ASAP1: variants seen among roughly 807,000 people sequenced by gnomAD.
ASAP1 encodes the protein arf-GAP with SH3 domain, ANK repeat and PH domain-containing protein 1.
A neutral mutation model predicts 145.2 loss-of-function variants in ASAP1; 43 were observed. That is an observed-to-expected ratio of 0.30 (90% CI 0.23 to 0.38). The LOEUF (loss-of-function observed/expected upper bound fraction) is 0.38. ASAP1 is among the 10% of genes least tolerant of loss of function. The pLI, the probability that ASAP1 is intolerant of heterozygous loss-of-function variation, is 1.00. For missense variants in ASAP1, 1,018 were observed against 1,355.3 expected, an observed-to-expected ratio of 0.75 and a Z score of 3.91; for synonymous variants, 546 against 515.5, an observed-to-expected ratio of 1.06 and a Z score of -0.80.
intron 3 of ASAP1, among the ~76,000 whole-genome samples, chr8:130,277,328 G>A (rs10112253): frequency 0.029 from 4,345 of 152,226 alleles, 191 homozygotes; most frequent in African/African-American, 0.098. Context: ...ATAGGCAACA[G>A]GAGAAAAACA....
chr8:130,099,711 C>A (rs893570310), intron 24 of ASAP1, among the ~76,000 whole-genome samples: 23 of 121,414 alleles, frequency 1.9e-4, no homozygotes, highest in African/African-American at 7.1e-4. Context: ...GAGACAGAGT[C>A]TTGCTGTGTC....
intron 2 of ASAP1, among the ~76,000 whole-genome samples, chr8:130,364,131 A>G (rs1826842938): frequency 6.6e-6 from 1 of 152,216 alleles, no homozygotes; most frequent in Non-Finnish European, 1.5e-5. Context: ...CAAAACCACT[A>G]GAGTTTTCTC....
At chr8:130,186,655 G>C (rs1814751257) in intron 7 of ASAP1, among the ~76,000 whole-genome samples, 1 of 152,162 alleles carries the variant, frequency 6.6e-6, no homozygotes, top group Non-Finnish European at 1.5e-5. Flanking sequence ...CTGAGGCTCT[G>C]TGGTCAAGAC....
intron 3 of ASAP1, among the ~76,000 whole-genome samples, chr8:130,348,332 T>A (rs1376188330): frequency 6.6e-6 from 1 of 152,250 alleles, no homozygotes; most frequent in Non-Finnish European, 1.5e-5. Flanking sequence ...AGTCGTCTTT[T>A]GGGCTTTACC....
intron 25 of ASAP1, among the ~76,000 whole-genome samples, chr8:130,091,630 A>G (rs895177256): frequency 3.3e-5 from 5 of 152,240 alleles, no homozygotes; most frequent in Admixed American, 1.3e-4. Flanking sequence ...TAAGAAAACC[A>G]TTCTGGCTGT....
chr8:130,113,912 G>A (rs1388413631), intron 23 of ASAP1, among the ~76,000 whole-genome samples: 1 of 152,010 alleles, frequency 6.6e-6, no homozygotes, highest in Non-Finnish European at 1.5e-5. Context: ...CTCCCGGGCA[G>A]CTGGGACCAC....
chr8:130,093,230 T>C, intron 24 of ASAP1, among the ~76,000 whole-genome samples: 1 of 152,130 alleles, frequency 6.6e-6, no homozygotes, highest in African/African-American at 2.4e-5. Flanking sequence ...GTGTATTTGA[T>C]CTTAGTTTTG....
At chr8:130,074,570 G>C (rs938885092) in intron 27 of ASAP1, among the ~76,000 whole-genome samples, 1 of 152,076 alleles carries the variant, frequency 6.6e-6, no homozygotes, top group Admixed American at 6.5e-5. Flanking sequence ...TGCCCTGATA[G>C]GGCAAGTCAG....
intron 3 of ASAP1, among the ~76,000 whole-genome samples, chr8:130,309,086 C>T (rs1212932922): frequency 6.6e-6 from 1 of 152,118 alleles, no homozygotes; most frequent in East Asian, 1.9e-4. Flanking sequence ...CAGTACTTCA[C>T]CAAACATGTC....
intron 3 of ASAP1, among the ~76,000 whole-genome samples, chr8:130,274,258 G>A (rs1471835603): frequency 6.6e-6 from 1 of 152,204 alleles, no homozygotes; most frequent in Non-Finnish European, 1.5e-5. Flanking sequence ...TATGAAGATG[G>A]AAGAAGTGGC....
At chr8:130,440,094 T>G (rs1443629947) in intron 1 of ASAP1, among the ~76,000 whole-genome samples, 2 of 152,166 alleles carry the variant, frequency 1.3e-5, no homozygotes, top group African/African-American at 4.8e-5. Flanking sequence ...TCATCAATGC[T>G]ATCTCCAAGA....
At chr8:130,077,944 G>A (rs1408354930) in intron 26 of ASAP1, among the ~76,000 whole-genome samples, 1 of 151,812 alleles carries the variant, frequency 6.6e-6, no homozygotes, top group Non-Finnish European at 1.5e-5. Flanking sequence ...CAAACTTAAC[G>A]AGTTGCCAAA....
intron 4 of ASAP1, among the ~76,000 whole-genome samples, chr8:130,226,159 T>A (rs1817575634): frequency 6.6e-6 from 1 of 152,002 alleles, no homozygotes; most frequent in Non-Finnish European, 1.5e-5. Flanking sequence ...ATTAACGTTT[T>A]AAAAGCACTG....
chr8:130,348,138 A>G (rs1459704465), intron 3 of ASAP1, among the ~76,000 whole-genome samples: 1 of 152,222 alleles, frequency 6.6e-6, no homozygotes, highest in Non-Finnish European at 1.5e-5. Context: ...CACTGGAGAC[A>G]AGGCCATTCT....
intron 2 of ASAP1, among the ~76,000 whole-genome samples, chr8:130,391,230 A>G (rs995334114): frequency 2.6e-5 from 4 of 152,210 alleles, no homozygotes; most frequent in African/African-American, 9.7e-5. Context: ...GAGTAGTCAA[A>G]TTCATACAGA....
At chr8:130,348,201 T>C (rs1825805484) in intron 3 of ASAP1, among the ~76,000 whole-genome samples, 2 of 152,202 alleles carry the variant, frequency 1.3e-5, no homozygotes, top group Admixed American at 1.3e-4. Flanking sequence ...CCAGGCTATT[T>C]TAATAATAGA....
chr8:130,250,621 G>T lies in ASAP1; in HGVS notation c.187-13627C>A, dbSNP rs573901832. 2.0e-5 allele frequency among the ~76,000 whole-genome samples: 3 copies of T among 152,150 alleles called. No individual in the cohort carries two copies. The East Asian group carries it at 5.8e-4, about 29-fold the overall frequency. ...CCAACCACAGATCTGGTCATTGTGG[G>T]TTTTGTTTTGTTTTATTTTTTAATA... On this transcript the variant is annotated intron_variant, in intron 3 of 29. Transcript: ENST00000518721.
intron 3 of ASAP1, among the ~76,000 whole-genome samples, chr8:130,256,745 A>ATATATATATATCCT (rs1819551133): frequency 3.2e-5 from 1 of 31,082 alleles, no homozygotes; most frequent in African/African-American, 1.2e-4. Flanking sequence ...ATTCTTATAT[A>ATATATATATATCCT]TATATATATA....
intron 4 of ASAP1, among the ~76,000 whole-genome samples, chr8:130,230,275 A>G (rs1311364580): frequency 1.6e-5 from 2 of 122,786 alleles, no homozygotes; most frequent in Non-Finnish European, 3.7e-5. Context: ...AAACGGAGGA[A>G]GTGCATACAC....
Sources: allele counts gnomAD v4.1 joint callset (sites outside exome capture counted in the v4.1 genomes callset), GRCh38; gene constraint gnomAD v4.1.1; transcripts MANE v1.5; gene names NCBI Gene and HGNC (gene_info 2026-07-23, HGNC 2026-07-21).